The following MAP3K21 variants were observed in gnomAD, a reference collection of about 807,000 sequenced individuals.
The protein encoded by MAP3K21 is mitogen-activated protein kinase kinase kinase MLK4.
In MAP3K21, 63 loss-of-function variants were observed where a neutral mutation model predicts 86.1. The ratio of observed to expected loss-of-function variants is 0.73; its 90% CI spans 0.60 to 0.90. The LOEUF (loss-of-function observed/expected upper bound fraction) is 0.90. Among genes scored for constraint, MAP3K21 ranks in the 40% least tolerant of loss-of-function variants. The pLI is 0.00. For missense variants in MAP3K21, 1,220 were observed against 1,367.7 expected (o/e 0.89, Z 1.70); for synonymous variants, 558 against 564.8 (o/e 0.99, Z 0.17).
Position 233,379,118 on chromosome 1 carries a change from G to C in MAP3K21, c.2112G>C (p.Met704Ile). 6.2e-7 allele frequency: 1 copy of C among 1,614,124 alleles called. No individual in the cohort carries two copies. Among genetic ancestry groups the C allele is most frequent in the African/African-American group, 1.3e-5 (1 of 75,066 alleles). ...ATGCTGCCACAGTCTCCATTGAGAT[G>C]ACTCCTACGAATAGTCTGAGTAGAT... is the stretch of plus-strand genomic sequence containing the variant. ...SANAATVSIE[M>I]TPTNSLSRSP... The change falls in exon 9 of 10, where the codon ATG (methionine) becomes ATC (isoleucine). Residue 704 changes from methionine to isoleucine, a missense_variant. Around this residue, in one of 5 missense-constraint regions of MAP3K21, gnomAD observed 632 missense variants for 691.3 expected, o/e 0.91. Transcript: ENST00000366624.
intron 5 of MAP3K21, among the ~76,000 whole-genome samples, chr1:233,371,114 T>A (rs1663670425): frequency 6.6e-6 from 1 of 152,208 alleles, no homozygotes; most frequent in East Asian, 1.9e-4. Context: ...TTGGTATATC[T>A]CTACCATATT....
At position 233,332,474 on chromosome 1, in the gene MAP3K21, G is replaced by A. The variant is rs541575595; in HGVS notation, c.805+3641G>A. On this transcript the variant is annotated intron_variant, in intron 1 of 9. Coordinates refer to ENST00000366624, the MANE Select transcript of MAP3K21 (RefSeq NM_032435.3). ...AGAAGGCTGGTGAGGAGAGGCATGCGTGGGGCAGGCCTGGCAGGCCTCCCT... is the reference window on the plus strand; with the variant it reads ...AGAAGGCTGGTGAGGAGAGGCATGCATGGGGCAGGCCTGGCAGGCCTCCCT... Among the ~76,000 whole-genome samples, 6 of 152,138 alleles carry A rather than the reference G, an allele frequency of 3.9e-5. No individual in the cohort carries two copies. In the East Asian group the frequency reaches 5.8e-4, roughly 15 times the overall value.
chr1:233,355,097 T>C, intron 4 of MAP3K21, 86 bp downstream of exon 4: 1 of 952,188 alleles, frequency 1.1e-6, no homozygotes, highest in Non-Finnish European at 1.6e-6. Context: ...TTAGCATTAT[T>C]CAAAAATATC....
rs892205656 is a variant in MAP3K21 at position 233,383,371 on chromosome 1, G to A, written c.*660G>A. 3.2e-5 allele frequency: 4 copies of A among 126,266 alleles called. No homozygotes were observed. The highest frequency in any genetic ancestry group is 7.0e-5 in the Non-Finnish European group (4 of 56,936). The allele number at this position is 126,266 out of a possible 1,614,324, so 7.8% of individuals were successfully genotyped here. On this transcript the variant is annotated 3_prime_UTR_variant, in exon 10 of 10. Transcript: ENST00000366624. ...ATATTTCTCTCTGAGGAAATTATAC[G>A]GAATGTAACTTATAAAAGCTTTACT...
intron 2 of MAP3K21, among the ~76,000 whole-genome samples, chr1:233,348,808 G>C (rs1194705731): frequency 6.6e-6 from 1 of 152,020 alleles, no homozygotes; most frequent in Non-Finnish European, 1.5e-5. Context: ...TACTTGCTAA[G>C]AGTCCAGTAC....
intron 1 of MAP3K21, among the ~76,000 whole-genome samples, chr1:233,345,972 A>C (rs144019668): frequency 1.1e-3 from 169 of 152,322 alleles, no homozygotes; most frequent in African/African-American, 4.0e-3. Context: ...TATCTTTATC[A>C]GTTAAAGAAT....
Position 233,351,335 on chromosome 1 carries a change from T to A in MAP3K21, c.987-2472T>A, listed in dbSNP as rs185368811. Among the ~76,000 whole-genome samples, 10 of 152,252 alleles carry A rather than the reference T, an allele frequency of 6.6e-5. No homozygotes were observed. The South Asian group carries it at 8.3e-4, about 13-fold the overall frequency. Reference sequence around the variant, plus strand: ...ATATTTCCTTTTTGAGATAAAACAATGTTTTGAGATGGTAGAGTGGATCTC... The same window carrying A: ...ATATTTCCTTTTTGAGATAAAACAAAGTTTTGAGATGGTAGAGTGGATCTC... On this transcript the variant is annotated intron_variant, in intron 2 of 9. Transcript: ENST00000366624.
At chr1:233,355,865 C>A (rs1003595005) in intron 4 of MAP3K21, among the ~76,000 whole-genome samples, 1 of 152,118 alleles carries the variant, frequency 6.6e-6, no homozygotes, top group African/African-American at 2.4e-5. Flanking sequence ...CTCTGTGCAG[C>A]CTTTCTTCCC....
Position 233,328,706 on chromosome 1 carries a change from C to A in MAP3K21, c.678C>A (p.Pro226=). ...NAAPDPRAPG[P]RRARRIPPHV... ...CCCCGGACCCGCGCGCGCCCGGCCC[C>A]CGCCGCGCGCGCCGCATCCCTCCGC... Residue 226 remains proline (P), a synonymous_variant, in exon 1 of 10, where the codon CCC becomes CCA. Coordinates refer to ENST00000366624, the MANE Select transcript of MAP3K21 (RefSeq NM_032435.3). The surrounding 1 kb of genome is among the most constrained non-coding windows in gnomAD (Gnocchi z 8.7). 4 of 1,383,914 alleles carry A rather than the reference C, an allele frequency of 2.9e-6. No homozygotes were observed. Among genetic ancestry groups the A allele is most frequent in the South Asian group, 1.7e-5 (1 of 58,204 alleles). The allele number at this position is 1,383,914 out of a possible 1,614,324, so 85.7% of individuals were successfully genotyped here.
In MAP3K21 at chr1:233,384,547, C is replaced by T. The variant is rs1004514366; in HGVS notation, c.*1836C>T. ...CTTTGTGTTCAGTCCTTTTGGAACACGTAGCTTCCAGCTTAAGGGTAGAGA... is the reference window on the plus strand; with the variant it reads ...CTTTGTGTTCAGTCCTTTTGGAACATGTAGCTTCCAGCTTAAGGGTAGAGA... On this transcript the variant is annotated 3_prime_UTR_variant, in exon 10 of 10. Transcript: ENST00000366624. The T allele has an allele frequency of 2.1e-5, 3 of 141,910 alleles. No individual in the cohort carries two copies. The highest frequency in any genetic ancestry group is 3.0e-5 in the Non-Finnish European group (2 of 66,056). The allele number at this position is 141,910 out of a possible 1,614,324, so 8.8% of individuals were successfully genotyped here.
Position 233,372,165 on chromosome 1 carries a change from G to A in MAP3K21, c.1675+5G>A. 1.2e-6 allele frequency: 2 copies of A among 1,613,884 alleles called. No homozygotes were observed. The highest frequency in any genetic ancestry group is 1.7e-6 in the Non-Finnish European group (2 of 1,179,820). ...CCCGACTCCGAGCCATACAGTGTGA[G>A]CTTTCTGCACTGCCACGGGGGCTCC... On this transcript the variant is annotated splice_donor_5th_base_variant and intron_variant, in intron 6 of 9. Coordinates refer to ENST00000366624, the MANE Select transcript of MAP3K21 (RefSeq NM_032435.3).
chr1:233,328,539 G>T lies in MAP3K21; in HGVS notation c.511G>T (p.Glu171Ter). Residue 171 changes from glutamate to a stop codon, truncating the protein, a stop_gained, in exon 1 of 10, where the codon GAG (glutamate) becomes TAG (stop). Transcript: ENST00000366624. LOFTEE classifies it high-confidence loss of function. This position sits in a 1 kb window ranked among gnomAD's most constrained non-coding sequence, Gnocchi z 8.7. ...GGCGGCTGCCGAGAGCGTGCGGCGC[G>T]AGGCTCGGCTCTTCGCCATGCTGCG... ...AAAAAESVRREARLFAMLRHP... is the reference protein window; with the variant it reads ...AAAAAESVRR The T allele has an allele frequency of 6.5e-7, 1 of 1,532,848 alleles. No homozygotes were observed. The highest frequency in any genetic ancestry group is 2.7e-5 in the East Asian group (1 of 37,524). The allele number at this position is 1,532,848 out of a possible 1,614,324, so 95.0% of individuals were successfully genotyped here. A position where few individuals can be genotyped will look rare whatever the true frequency, so the allele number is the denominator to read the frequency against.
In MAP3K21 at chr1:233,328,372, C is replaced by A; in HGVS notation, c.344C>A (p.Ser115Tyr). Residue 115 changes from serine to tyrosine, a missense_variant, in exon 1 of 10, where the codon TCC becomes TAC. By Grantham distance (144) the Ser-to-Tyr change is moderately radical. Transcript: ENST00000366624. This position sits in a 1 kb window ranked among gnomAD's most constrained non-coding sequence, Gnocchi z 8.7. ...GCGCCGCCGCCCTCGCGGCCCAGCT[C>A]CCCGGTACACGTCGCCTTCGAGCGG... ...SPAPPPSRPS[S>Y]PVHVAFERLE... The A allele has an allele frequency of 6.7e-7, 1 of 1,482,922 alleles. No individual in the cohort carries two copies. Among genetic ancestry groups the A allele is most frequent in the Non-Finnish European group, 8.9e-7 (1 of 1,124,516 alleles). The allele number at this position is 1,482,922 out of a possible 1,614,324, so 91.9% of individuals were successfully genotyped here.
chr1:233,361,632 T>A (rs961582797), intron 4 of MAP3K21, among the ~76,000 whole-genome samples: 7 of 152,240 alleles, frequency 4.6e-5, no homozygotes, highest in African/African-American at 1.7e-4. Context: ...CTTGAACTTT[T>A]GGCTTTATTT....
intron 9 of MAP3K21, among the ~76,000 whole-genome samples, chr1:233,380,967 T>C (rs1347333734): frequency 2.6e-5 from 4 of 152,216 alleles, no homozygotes; most frequent in Non-Finnish European, 5.9e-5. Context: ...TGTACTCAGC[T>C]TTGAGATTTC....
At chr1:233,350,255 T>C (rs1663225615) in intron 2 of MAP3K21, among the ~76,000 whole-genome samples, 2 of 152,146 alleles carry the variant, frequency 1.3e-5, no homozygotes, top group Admixed American at 6.5e-5. Flanking sequence ...TGTTTTTTTT[T>C]CTGAATATTT....
chr1:233,349,729 G>C (rs1429324042), intron 2 of MAP3K21, among the ~76,000 whole-genome samples: 1 of 152,148 alleles, frequency 6.6e-6, no homozygotes, highest in Non-Finnish European at 1.5e-5. Flanking sequence ...ACAAGGTCGA[G>C]AGATCGAGAC....
At chr1:233,355,958 T>C (rs183923686) in intron 4 of MAP3K21, among the ~76,000 whole-genome samples, 1 of 152,230 alleles carries the variant, frequency 6.6e-6, no homozygotes, top group East Asian at 1.9e-4. Flanking sequence ...TTCACTCCCT[T>C]TCTCCTCACA....
At chr1:233,343,741 C>A (rs1663081120) in intron 1 of MAP3K21, among the ~76,000 whole-genome samples, 1 of 152,062 alleles carries the variant, frequency 6.6e-6, no homozygotes, top group African/African-American at 2.4e-5. Flanking sequence ...TCCTCAGTGT[C>A]TTTATGTATG....
Sources: gnomAD v4.1 joint callset for allele counts (sites outside exome capture counted in the v4.1 genomes callset) on GRCh38, gnomAD v4.1.1 for gene constraint, gnomAD v4.1.1 regional missense constraint, Gnocchi (gnomAD v3.1) non-coding constraint, MANE v1.5 for transcripts, NCBI Gene and HGNC (gene_info 2026-07-23, HGNC 2026-07-21) for gene names.